The following CD300A variants were observed in gnomAD, a reference collection of about 807,000 sequenced individuals.
CD300A encodes CD300a molecule, also known as CMRF35-like molecule 8.
In CD300A, 22 loss-of-function variants were observed where a neutral mutation model predicts 33.6. The observed-to-expected ratio is 0.66, with a 90% CI of 0.47 to 0.94. The LOEUF (loss-of-function observed/expected upper bound fraction) is 0.94, where lower values mean the gene tolerates loss of function less well. CD300A is among the 40% of genes least tolerant of loss of function. The pLI is 0.00. For synonymous variants in CD300A, 136 were observed against 148.1 expected (o/e 0.92, Z 0.59); for missense variants, 326 against 360.5 (o/e 0.90, Z 0.77).
chr17:74,470,166 G>C, intron 1 of CD300A: 1 of 985,418 alleles, frequency 1.0e-6, no homozygotes, highest in Non-Finnish European at 1.2e-6. Context: ...GGGGTTTGGG[G>C]TGGTGATTCA....
intron 1 of CD300A, among the ~76,000 whole-genome samples, chr17:74,467,346 G>A (rs1029792384): frequency 1.3e-5 from 2 of 152,156 alleles, no homozygotes; most frequent in East Asian, 3.9e-4. Context: ...AGGCAGCCTT[G>A]GCTGGGGTTA....
In CD300A at chr17:74,481,796, C is replaced by T; in HGVS notation, c.737C>T (p.Ala246Val). ...ATGTGGCCTCTGCAGGAAAAGCCAGCACCACCAAGGGAGGTGGAGGTGGAA... is the reference window on the plus strand; with the variant it reads ...ATGTGGCCTCTGCAGGAAAAGCCAGTACCACCAAGGGAGGTGGAGGTGGAA... ...LLMWPLQEKP[A>V]PPREVEVEYS... The change falls in exon 6 of 7, where the codon GCA (alanine) becomes GTA (valine). Residue 246 changes from alanine to valine, a missense_variant. Coordinates refer to ENST00000360141, the MANE Select transcript of CD300A (RefSeq NM_007261.4). The T allele has an allele frequency of 1.2e-6, 2 of 1,612,906 alleles. No homozygotes were observed. The highest frequency in any genetic ancestry group is 1.7e-6 in the Non-Finnish European group (2 of 1,179,690).
intron 1 of CD300A, chr17:74,470,113 C>T (rs1269781533): frequency 7.1e-6 from 7 of 985,208 alleles, no homozygotes; most frequent in Non-Finnish European, 8.4e-6. Context: ...TGGTAGAGGA[C>T]CCTGGCCCCA....
chr17:74,481,625 A>G (rs1906853641), intron 5 of CD300A, 101 bp from the exon 6 acceptor site: 10 of 820,236 alleles, frequency 1.2e-5, no homozygotes, highest in Admixed American at 2.1e-5. Flanking sequence ...GTGGGGGCTG[A>G]GGTGCTCAGA....
At chr17:74,473,332 C>T (rs1340996088) in intron 1 of CD300A, among the ~76,000 whole-genome samples, 2 of 152,058 alleles carry the variant, frequency 1.3e-5, no homozygotes, top group African/African-American at 2.4e-5. Flanking sequence ...TGAGCTCTTC[C>T]GGTCTCCATG....
intron 1 of CD300A, among the ~76,000 whole-genome samples, chr17:74,467,718 T>C (rs1905817925): frequency 6.6e-6 from 1 of 152,258 alleles, no homozygotes; most frequent in South Asian, 2.1e-4. Flanking sequence ...TTATTACTTT[T>C]GGTGTCTTGA....
chr17:74,466,576 A>C (rs1905718403), upstream of CD300A: 1 of 1,090,570 alleles, frequency 9.2e-7, no homozygotes, highest in East Asian at 2.6e-5. Context: ...GAACCAAAAG[A>C]AGCTGAACAA....
At chr17:74,466,838 T>C in intron 1 of CD300A, 95 bp downstream of exon 1, 1 of 1,545,908 alleles carries the variant, frequency 6.5e-7, no homozygotes, top group Admixed American at 2.0e-5. Context: ...GCCCCGAGTC[T>C]GGACTCCGTG....
intron 1 of CD300A, among the ~76,000 whole-genome samples, chr17:74,467,777 G>T (rs1270319886): frequency 6.6e-6 from 1 of 152,162 alleles, no homozygotes; most frequent in African/African-American, 2.4e-5. Context: ...CGATTCTCTT[G>T]GGTGTTCTTC....
upstream of CD300A, chr17:74,466,376 G>C: frequency 6.6e-6 from 2 of 305,152 alleles, no homozygotes; most frequent in Non-Finnish European, 1.2e-5. Flanking sequence ...TCCACTAGGA[G>C]GAGACCCGGG....
intron 1 of CD300A, among the ~76,000 whole-genome samples, chr17:74,468,050 T>TTATTTATTTTC (rs1905844321): frequency 6.6e-6 from 1 of 150,822 alleles, no homozygotes; most frequent in African/African-American, 2.5e-5. Flanking sequence ...TATTTATTTT[T>TTATTTATTTTC]TGAGATGGAG....
intron 1 of CD300A, among the ~76,000 whole-genome samples, chr17:74,470,513 G>A (rs1017681378): frequency 6.6e-6 from 1 of 152,066 alleles, no homozygotes; most frequent in Admixed American, 6.6e-5. Flanking sequence ...GAGGTGGTGG[G>A]GTCACTGAGG....
intron 6 of CD300A, among the ~76,000 whole-genome samples, chr17:74,483,605 C>T (rs888329979): frequency 3.9e-5 from 6 of 152,176 alleles, no homozygotes; most frequent in Admixed American, 3.3e-4. Context: ...GATCCACCCG[C>T]CTTGGCCTCC....
intron 3 of CD300A, among the ~76,000 whole-genome samples, chr17:74,476,469 C>T (rs916151582): frequency 2.6e-5 from 4 of 152,104 alleles, no homozygotes; most frequent in South Asian, 2.1e-4. Flanking sequence ...TAGGTGGCAG[C>T]GCTGAGTTCT....
chr17:74,483,909 C>T lies in CD300A; in HGVS notation c.775-92C>T. 4.8e-6 allele frequency: 7 copies of T among 1,463,012 alleles called. No homozygotes were observed. The South Asian group carries it at 7.5e-5, about 16-fold the overall frequency. 90.6% of individuals were successfully genotyped at this position (1,463,012 alleles called of 1,614,324 possible). The stretch of plus-strand genomic sequence containing the variant: ...CTCTACAGTGAGGCCTCCCCAAAGC[C>T]CCTCAGGTGTCCTCCCTCCTCCATC... On this transcript the variant is annotated intron_variant, in intron 6 of 6. Transcript: ENST00000360141.
intron 1 of CD300A, among the ~76,000 whole-genome samples, chr17:74,472,360 A>G (rs1276949293): frequency 6.6e-6 from 1 of 152,312 alleles, no homozygotes; most frequent in East Asian, 1.9e-4. Context: ...CACTGCACAC[A>G]CAACTGCCCA....
rs1906551531 is a variant in CD300A, at chr17:74,477,521, T to C, written c.619T>C (p.Trp207Arg). The C allele has an allele frequency of 1.2e-6, 2 of 1,612,906 alleles. No homozygotes were observed. Among genetic ancestry groups the C allele is most frequent in the South Asian group, 1.1e-5 (1 of 91,012 alleles). The change falls in exon 4 of 7, where the codon TGG becomes CGG. Residue 207 changes from tryptophan (W) to arginine (R), a missense_variant. Transcript: ENST00000360141. Reference sequence around the variant, plus strand: ...GCTAGCCTGGAGGATGTTTCAGAAATGGATCAAAGGTGAGTTGGCTCCCCA... The same window carrying C: ...GCTAGCCTGGAGGATGTTTCAGAAACGGATCAAAGGTGAGTTGGCTCCCCA... Reference protein sequence around the residue: ...SLLAWRMFQKWIKAGDHSELS... With the variant: ...SLLAWRMFQKRIKAGDHSELS...
At chr17:74,476,502 T>C (rs934729263) in intron 3 of CD300A, among the ~76,000 whole-genome samples, 2 of 152,014 alleles carry the variant, frequency 1.3e-5, no homozygotes, top group Admixed American at 1.3e-4. Context: ...GGTTGTGCAG[T>C]TTGCGGGGTG....
chr17:74,484,255 T>A lies in CD300A; in HGVS notation c.*129T>A. On this transcript the variant is annotated 3_prime_UTR_variant, in exon 7 of 7. Coordinates refer to ENST00000360141, the MANE Select transcript of CD300A (RefSeq NM_007261.4). ...AGTGACCAACAGACAGGCAGCTGGG[T>A]TTCCCAGGCCATCCCTCTGTTGCCA... is the stretch of plus-strand genomic sequence containing the variant. 1 of 1,018,098 alleles carries A rather than the reference T, an allele frequency of 9.8e-7. No individual in the cohort carries two copies. Among genetic ancestry groups the A allele is most frequent in the African/African-American group, 1.6e-5 (1 of 61,828 alleles). 63.1% of individuals were successfully genotyped at this position (1,018,098 alleles called of 1,614,324 possible).
Sources: gnomAD v4.1 joint callset for allele counts (sites outside exome capture counted in the v4.1 genomes callset) on GRCh38, gnomAD v4.1.1 for gene constraint, MANE v1.5 for transcripts, NCBI Gene and HGNC (gene_info 2026-07-23, HGNC 2026-07-21) for gene names.